The following OR2L13 variants were observed in gnomAD, a reference collection of about 807,000 sequenced individuals.
The protein encoded by OR2L13 is olfactory receptor family 2 subfamily L member 13.
Under a neutral mutation model 15.3 loss-of-function variants are expected in OR2L13, and 14 were observed. That is an observed-to-expected ratio of 0.91 (90% CI 0.60 to 1.43). The LOEUF (loss-of-function observed/expected upper bound fraction) is 1.43. Ranked by LOEUF, OR2L13 falls within the 40% of genes most tolerant of loss-of-function variation. The probability of loss-of-function intolerance (pLI) is 0.00; values close to 1 mark genes in which losing one functional copy is unlikely to be tolerated. For missense variants in OR2L13, 367 were observed against 387.9 expected (o/e 0.95, Z 0.45); for synonymous variants, 152 against 142.9 (o/e 1.06, Z -0.45).
At chr1:247,987,326 T>C in the OR2L13 span, among the ~76,000 whole-genome samples, 1 of 152,138 alleles carries the variant, frequency 6.6e-6, no homozygotes, top group Non-Finnish European at 1.5e-5. Context: ...ATAGAAATTA[T>C]CCTGCTTCCT....
chr1:247,986,446 G>A, the OR2L13 span, among the ~76,000 whole-genome samples: 1 of 152,042 alleles, frequency 6.6e-6, no homozygotes, highest in Non-Finnish European at 1.5e-5. Flanking sequence ...ATTTCTGTGG[G>A]CTCTGTTCTG....
chr1:247,985,623 G>C, the OR2L13 span, among the ~76,000 whole-genome samples: 6 of 152,034 alleles, frequency 3.9e-5, no homozygotes, highest in South Asian at 2.1e-4. Flanking sequence ...GGTTATATAC[G>C]CAGTAATGGG....
the OR2L13 span, among the ~76,000 whole-genome samples, chr1:247,960,489 C>T: frequency 6.6e-6 from 1 of 152,224 alleles, no homozygotes; most frequent in Non-Finnish European, 1.5e-5. Flanking sequence ...ACCTTTAAGT[C>T]TGCAGAGGTT....
the OR2L13 span, among the ~76,000 whole-genome samples, chr1:247,957,908 G>A: frequency 2.4e-4 from 37 of 152,002 alleles, no homozygotes; most frequent in Non-Finnish European, 4.6e-4. Flanking sequence ...TGGATTCATT[G>A]ATTTTTTGAA....
chr1:247,966,717 G>A, the OR2L13 span, among the ~76,000 whole-genome samples: 1,035 of 152,270 alleles, frequency 6.8e-3, 17 homozygotes, highest in African/African-American at 0.023. Context: ...AAACAAAAAT[G>A]AAAGCTGACA....
At chr1:247,944,457 C>A in the OR2L13 span, among the ~76,000 whole-genome samples, 2 of 152,204 alleles carry the variant, frequency 1.3e-5, no homozygotes, top group South Asian at 2.1e-4. Context: ...TGCTCTCCCC[C>A]AAATTGTCCT....
upstream of OR2L13, among the ~76,000 whole-genome samples, chr1:248,090,637 T>G (rs1303970160): frequency 6.6e-6 from 1 of 152,216 alleles, no homozygotes; most frequent in Non-Finnish European, 1.5e-5. Context: ...TGTGGCTGCA[T>G]AGTATTTCGT....
At chr1:247,957,260 T>C in the OR2L13 span, among the ~76,000 whole-genome samples, 3 of 152,248 alleles carry the variant, frequency 2.0e-5, no homozygotes, top group Non-Finnish European at 4.4e-5. Flanking sequence ...GATTTGCATA[T>C]GTTGAACCAA....
chr1:248,003,474 T>TA, the OR2L13 span: 1 of 1,609,654 alleles, frequency 6.2e-7, no homozygotes. Context: ...CTACTCCTGA[T>TA]ATCAATGGCC....
upstream of OR2L13, among the ~76,000 whole-genome samples, chr1:248,096,810 C>CA (rs1384046784): frequency 6.6e-6 from 1 of 152,172 alleles, no homozygotes; most frequent in African/African-American, 2.4e-5. Context: ...TAAATTTCAG[C>CA]AACGTATCTT....
the OR2L13 span, among the ~76,000 whole-genome samples, chr1:248,072,585 A>G: frequency 6.6e-6 from 1 of 152,136 alleles, no homozygotes; most frequent in African/African-American, 2.4e-5. Flanking sequence ...TTCATGTCTA[A>G]AACACCAAAA....
chr1:247,944,219 A>G, the OR2L13 span, among the ~76,000 whole-genome samples: 4 of 152,114 alleles, frequency 2.6e-5, no homozygotes, highest in African/African-American at 9.7e-5. Flanking sequence ...TTTGTGAGAA[A>G]AAAGATTTAT....
At chr1:247,945,812 T>C in the OR2L13 span, among the ~76,000 whole-genome samples, 6 of 152,302 alleles carry the variant, frequency 3.9e-5, 1 homozygote, top group Admixed American at 2.6e-4. Context: ...AAACTAGGAT[T>C]GCTACCCCTG....
chr1:248,076,058 T>C, the OR2L13 span, among the ~76,000 whole-genome samples: 6 of 152,198 alleles, frequency 3.9e-5, no homozygotes, highest in African/African-American at 1.4e-4. Context: ...GTTTCAGCTT[T>C]CTACAGATGG....
the OR2L13 span, among the ~76,000 whole-genome samples, chr1:247,946,535 C>T: frequency 6.6e-6 from 1 of 152,172 alleles, no homozygotes; most frequent in African/African-American, 2.4e-5. Context: ...CAGCAGACCA[C>T]AGGGTAAAAT....
chr1:248,047,024 C>T, the OR2L13 span: 2 of 152,140 alleles, frequency 1.3e-5, no homozygotes, highest in African/African-American at 4.8e-5. Context: ...CACCATTCAG[C>T]AGGAATCTTG....
At chr1:247,977,038 A>C in the OR2L13 span, among the ~76,000 whole-genome samples, 2 of 152,166 alleles carry the variant, frequency 1.3e-5, no homozygotes, top group Non-Finnish European at 2.9e-5. Flanking sequence ...ACTCTCATAC[A>C]TCCTACTATT....
At chr1:248,015,727 C>T in the OR2L13 span, among the ~76,000 whole-genome samples, 34,377 of 151,972 alleles carry the variant, frequency 0.23, 7,251 homozygotes, top group African/African-American at 0.56. Flanking sequence ...TGATTTCTTA[C>T]AAAACTTCCA....
chr1:248,060,558 A>G, the OR2L13 span: 2 of 733,320 alleles, frequency 2.7e-6, no homozygotes, highest in South Asian at 1.7e-5. Flanking sequence ...TATAGGGCTC[A>G]GTGTCAACTC....
Sources: allele counts gnomAD v4.1 joint callset (sites outside exome capture counted in the v4.1 genomes callset), GRCh38; gene constraint gnomAD v4.1.1; transcripts MANE v1.5; gene names NCBI Gene and HGNC (gene_info 2026-07-23, HGNC 2026-07-21).